Variants in UBN2 observed in about 807,000 individuals in gnomAD.
UBN2 encodes ubinuclein 2.
Under a neutral mutation model 120.2 loss-of-function variants are expected in UBN2, and 35 were observed. That is an observed-to-expected ratio of 0.29 (90% CI 0.22 to 0.39). The LOEUF is 0.39. UBN2 is among the 10% of genes least tolerant of loss of function. The pLI is 1.00. For missense variants in UBN2, 1,693 were observed against 1,663.2 expected, an observed-to-expected ratio of 1.02 and a Z score of -0.31; for synonymous variants, 661 against 648.7, an observed-to-expected ratio of 1.02 and a Z score of -0.29.
chr7:139,296,768 G>A (rs1798120050), intron 17 of UBN2, among the ~76,000 whole-genome samples: 1 of 152,324 alleles, frequency 6.6e-6, no homozygotes, highest in Non-Finnish European at 1.5e-5. Context: ...GCACACACCT[G>A]TAGTCCCACT....
chr7:139,271,062 G>A (rs867555256), intron 8 of UBN2, among the ~76,000 whole-genome samples: 254 of 152,180 alleles, frequency 1.7e-3, no homozygotes, highest in African/African-American at 5.8e-3. Context: ...GATTACAGGC[G>A]TGAGCCACTG....
the UBN2 span, among the ~76,000 whole-genome samples, chr7:139,328,052 T>G: frequency 6.6e-6 from 1 of 152,230 alleles, no homozygotes; most frequent in African/African-American, 2.4e-5. Context: ...CCTCTTCTGT[T>G]GACTCTGAAA....
the UBN2 span, among the ~76,000 whole-genome samples, chr7:139,324,429 C>G: frequency 6.6e-6 from 1 of 151,324 alleles, no homozygotes; most frequent in Non-Finnish European, 1.5e-5. Flanking sequence ...AGTGGCAGGC[C>G]CCTGTAGTCC....
rs144711729 is a variant in UBN2 at position 139,244,277 on chromosome 7, A to C, written c.561+7180A>C. 7.9e-5 allele frequency among the ~76,000 whole-genome samples: 12 copies of C among 152,298 alleles called. No homozygotes were observed. The East Asian group carries it at 1.9e-3, about 24-fold the overall frequency. ...CACCTGTAAGTCCACTGCCAGGCAG[A>C]ACCACTGTGAATAGTTTGATAGTTG... On this transcript the variant is annotated intron_variant, in intron 2 of 17. Transcript: ENST00000473989.
At chr7:139,325,550 T>C in the UBN2 span, among the ~76,000 whole-genome samples, 3 of 152,180 alleles carry the variant, frequency 2.0e-5, no homozygotes, top group Admixed American at 6.5e-5. Context: ...ATTTGAGGCA[T>C]GAGCCACCAT....
chr7:139,263,887 A>G (rs1383866381), intron 6 of UBN2, among the ~76,000 whole-genome samples: 1 of 152,118 alleles, frequency 6.6e-6, no homozygotes, highest in African/African-American at 2.4e-5. Flanking sequence ...CTAATTTTCT[A>G]TAACTAGGTC....
rs754754060 is a variant in UBN2 at position 139,283,866 on chromosome 7, C to A, written c.2961C>A (p.Pro987=). Residue 987 remains proline, a synonymous_variant, in exon 15 of 18, where the codon CCC becomes CCA. Transcript: ENST00000473989. ...TGTACCGCCTTCCCTTATCTACCCC[C>A]TCACCTGGAAATGGTTCTCAAGGGT... The part of the protein sequence containing the change: ...PLMYRLPLST[P]SPGNGSQGSH... 1 of 1,614,188 alleles carries A rather than the reference C, an allele frequency of 6.2e-7. No homozygotes were observed. The highest frequency in any genetic ancestry group is 8.5e-7 in the Non-Finnish European group (1 of 1,180,046).
downstream of UBN2, among the ~76,000 whole-genome samples, chr7:139,311,705 A>C (rs1798450768): frequency 6.6e-6 from 1 of 152,240 alleles, no homozygotes; most frequent in Non-Finnish European, 1.5e-5. Flanking sequence ...CCAAAAGTAT[A>C]GAAGTGAAGC....
the UBN2 span, among the ~76,000 whole-genome samples, chr7:139,327,696 A>C: frequency 6.6e-6 from 1 of 152,196 alleles, no homozygotes; most frequent in East Asian, 1.9e-4. Flanking sequence ...TTTGGGGAAT[A>C]CATTCAAACC....
intron 15 of UBN2, among the ~76,000 whole-genome samples, chr7:139,290,360 C>T (rs1465081883): frequency 6.6e-6 from 1 of 152,134 alleles, no homozygotes; most frequent in Non-Finnish European, 1.5e-5. Context: ...TGGCACAGTA[C>T]AGGAAAAGAC....
At chr7:139,290,012 G>A (rs552009118) in intron 15 of UBN2, among the ~76,000 whole-genome samples, 6 of 152,132 alleles carry the variant, frequency 3.9e-5, no homozygotes, top group Non-Finnish European at 7.3e-5. Flanking sequence ...TCCTGCCTCA[G>A]CCTCCTGAGT....
chr7:139,285,149 C>T (rs1184756979), intron 15 of UBN2, among the ~76,000 whole-genome samples: 2 of 152,004 alleles, frequency 1.3e-5, no homozygotes, highest in East Asian at 1.9e-4. Flanking sequence ...ACAGTTTTCC[C>T]GTTCGTGAAT....
the UBN2 span, among the ~76,000 whole-genome samples, chr7:139,326,157 G>A: frequency 1.3e-5 from 2 of 152,192 alleles, no homozygotes; most frequent in Non-Finnish European, 2.9e-5. Context: ...TTGGGAGGCT[G>A]AGGCAGGAGA....
At chr7:139,251,360 A>G (rs1262130898) in intron 2 of UBN2, among the ~76,000 whole-genome samples, 1 of 152,152 alleles carries the variant, frequency 6.6e-6, no homozygotes, top group Non-Finnish European at 1.5e-5. Context: ...TTGGCACACT[A>G]CCATTCAACT....
chr7:139,232,099 G>A (rs909718511), intron 1 of UBN2, 147 bp downstream of exon 1: 3 of 714,246 alleles, frequency 4.2e-6, no homozygotes, highest in African/African-American at 3.8e-5. Context: ...CGAGCGGGTG[G>A]ACGGGGCGGT....
At chr7:139,232,409 A>G (rs1215375460) in intron 1 of UBN2, among the ~76,000 whole-genome samples, 4 of 152,206 alleles carry the variant, frequency 2.6e-5, no homozygotes, top group Non-Finnish European at 4.4e-5. Context: ...CTCTCGTATC[A>G]TCCTCATCCT....
At chr7:139,281,160 T>G (rs575533233) in intron 13 of UBN2, among the ~76,000 whole-genome samples, 1 of 152,322 alleles carries the variant, frequency 6.6e-6, no homozygotes, top group Non-Finnish European at 1.5e-5. Context: ...AGGAAATTTA[T>G]TAAATTCTGA....
chr7:139,287,309 A>T (rs1345967591), intron 15 of UBN2, among the ~76,000 whole-genome samples: 2 of 152,194 alleles, frequency 1.3e-5, no homozygotes, highest in African/African-American at 4.8e-5. Flanking sequence ...TTAAATAATA[A>T]TAAATGGAAA....
At chr7:139,260,638 G>A (rs1031390572) in intron 5 of UBN2, among the ~76,000 whole-genome samples, 5 of 152,074 alleles carry the variant, frequency 3.3e-5, no homozygotes, top group African/African-American at 1.2e-4. Flanking sequence ...TAAGATTGAT[G>A]TCGGGCGTAT....
Sources: allele counts gnomAD v4.1 joint callset (sites outside exome capture counted in the v4.1 genomes callset), GRCh38; gene constraint gnomAD v4.1.1; transcripts MANE v1.5; gene names NCBI Gene and HGNC (gene_info 2026-07-23, HGNC 2026-07-21).